The following PCDH15 variants were observed in gnomAD, a reference collection of about 807,000 sequenced individuals.
The protein encoded by PCDH15 is protocadherin related 15.
PCDH15 carries 129 observed loss-of-function variants against 178.5 expected under a neutral mutation model. The ratio of observed to expected loss-of-function variants is 0.72; its 90% CI spans 0.63 to 0.84. PCDH15 has a LOEUF of 0.84. Ranked by LOEUF, PCDH15 falls within the 40% of genes least tolerant of loss-of-function variation. PCDH15 has a pLI of 0.00. For missense variants in PCDH15, 2,230 were observed against 2,099.9 expected (o/e 1.06, Z -1.21); for synonymous variants, 800 against 732.0 (o/e 1.09, Z -1.50).
chr10:55,548,795 T>G (rs1841944332), intron 2 of PCDH15, among the ~76,000 whole-genome samples: 1 of 152,082 alleles, frequency 6.6e-6, no homozygotes, highest in South Asian at 2.1e-4. Flanking sequence ...AGTAGGGAAC[T>G]GTGAAGTCTT....
At chr10:55,310,104 C>G (rs1387300032) in intron 1 of PCDH15, among the ~76,000 whole-genome samples, 1 of 152,064 alleles carries the variant, frequency 6.6e-6, no homozygotes, top group African/African-American at 2.4e-5. Flanking sequence ...GAACTTAAAC[C>G]CATATCAAGC....
intron 2 of PCDH15, among the ~76,000 whole-genome samples, chr10:54,639,297 A>G (rs1239592514): frequency 6.6e-6 from 1 of 152,184 alleles, no homozygotes; most frequent in Non-Finnish European, 1.5e-5. Context: ...TCAGACAAAC[A>G]TGACCTCAGA....
rs1841903728 is a variant in PCDH15, at chr10:55,253,572, T to C, written c.-156+66027A>G. 1.3e-5 allele frequency among the ~76,000 whole-genome samples: 2 copies of C among 152,074 alleles called. 1 individual carries two copies. The highest frequency in any genetic ancestry group is 4.8e-5 in the African/African-American group (2 of 41,436). On this transcript the variant is annotated intron_variant, in intron 1 of 5. Transcript: ENST00000458638. ...TTACTAATACAGAATGGGATAGCAA[T>C]GTGCCATTGTGCATTTTAAGTGAAC...
chr10:54,986,695 C>G (rs1475220935), intron 2 of PCDH15, among the ~76,000 whole-genome samples: 4 of 152,090 alleles, frequency 2.6e-5, no homozygotes, highest in South Asian at 2.1e-4. Flanking sequence ...TATTAAACTT[C>G]CGTGTTGTGT....
intron 2 of PCDH15, among the ~76,000 whole-genome samples, chr10:55,062,100 C>T (rs2132000450): frequency 6.6e-6 from 1 of 152,252 alleles, no homozygotes; most frequent in Non-Finnish European, 1.5e-5. Context: ...CTTTCTTCTC[C>T]AAAATGTCAA....
intron 21 of PCDH15, among the ~76,000 whole-genome samples, chr10:53,972,044 A>C (rs2089744442): frequency 6.6e-6 from 1 of 152,194 alleles, no homozygotes; most frequent in African/African-American, 2.4e-5. Flanking sequence ...CTATACTACA[A>C]GTCTACAGTA....
intron 2 of PCDH15, among the ~76,000 whole-genome samples, chr10:54,904,819 A>T (rs1954692663): frequency 6.6e-6 from 1 of 151,756 alleles, no homozygotes; most frequent in South Asian, 2.1e-4. Context: ...TTGAGGTACC[A>T]CAGCTCACTC....
chr10:53,952,991 G>A (rs1223043289), intron 23 of PCDH15, among the ~76,000 whole-genome samples: 2 of 152,226 alleles, frequency 1.3e-5, no homozygotes, highest in African/African-American at 4.8e-5. Flanking sequence ...GGGGGGCCCA[G>A]GTCCACAGTC....
chr10:54,992,126 T>C (rs1461700149), intron 2 of PCDH15, among the ~76,000 whole-genome samples: 1 of 152,100 alleles, frequency 6.6e-6, no homozygotes, highest in Non-Finnish European at 1.5e-5. Flanking sequence ...CTCTATAATA[T>C]AAACCTCTTG....
chr10:54,765,153 T>G (rs1948355754), intron 1 of PCDH15, among the ~76,000 whole-genome samples: 1 of 152,152 alleles, frequency 6.6e-6, no homozygotes, highest in African/African-American at 2.4e-5. Context: ...TTCAACTCTC[T>G]TAGACAAAAT....
intron 2 of PCDH15, among the ~76,000 whole-genome samples, chr10:55,451,984 C>T (rs1839445618): frequency 6.6e-6 from 1 of 151,990 alleles, no homozygotes; most frequent in African/African-American, 2.4e-5. Flanking sequence ...AATAGTTATA[C>T]CAATTGTGAA....
chr10:55,610,238 A>G (rs1843337848), intron 2 of PCDH15, among the ~76,000 whole-genome samples: 1 of 152,120 alleles, frequency 6.6e-6, no homozygotes, highest in South Asian at 2.1e-4. Flanking sequence ...TAACAAAACC[A>G]TGTTTTCAAA....
chr10:55,303,798 GTTT>G (rs1843350373), intron 1 of PCDH15, among the ~76,000 whole-genome samples: 1 of 152,002 alleles, frequency 6.6e-6, no homozygotes, highest in Non-Finnish European at 1.5e-5. Context: ...GCCTGTCTCT[GTTT>G]TTGTCAGACT....
chr10:54,897,488 A>G (rs1199842950), exon 3 of PCDH15: 4 of 152,222 alleles, frequency 2.6e-5, no homozygotes, highest in Admixed American at 2.6e-4. Flanking sequence ...TCGAAACATG[A>G]CAATGCAAAT....
intron 29 of PCDH15, among the ~76,000 whole-genome samples, chr10:53,836,045 C>T (rs1463816123): frequency 6.6e-6 from 1 of 152,078 alleles, no homozygotes; most frequent in Non-Finnish European, 1.5e-5. Context: ...GAAGTGTGCC[C>T]ATCCCTGGTG....
chr10:54,759,808 A>G (rs1196950307), intron 1 of PCDH15, among the ~76,000 whole-genome samples: 1 of 152,116 alleles, frequency 6.6e-6, no homozygotes, highest in Admixed American at 6.6e-5. Flanking sequence ...TCCTACACTG[A>G]CGTTTGGGGG....
At chr10:54,010,818 C>T (rs1203561928) in intron 20 of PCDH15, among the ~76,000 whole-genome samples, 1 of 152,150 alleles carries the variant, frequency 6.6e-6, no homozygotes, top group Non-Finnish European at 1.5e-5. Context: ...CAGGCAGTGC[C>T]TAAGCTCGGG....
chr10:54,774,685 T>C (rs1238083953), intron 1 of PCDH15, among the ~76,000 whole-genome samples: 1 of 152,172 alleles, frequency 6.6e-6, no homozygotes, highest in Non-Finnish European at 1.5e-5. Context: ...TTAGGGACCA[T>C]TATTTTCATT....
At chr10:55,613,223 T>C (rs964682476) in intron 2 of PCDH15, among the ~76,000 whole-genome samples, 4 of 151,986 alleles carry the variant, frequency 2.6e-5, no homozygotes, top group African/African-American at 9.7e-5. Flanking sequence ...AGCCCCAAAA[T>C]GAAAGTTATT....
Sources: allele counts gnomAD v4.1 joint callset (sites outside exome capture counted in the v4.1 genomes callset), GRCh38; gene constraint gnomAD v4.1.1; transcripts MANE v1.5; gene names NCBI Gene and HGNC (gene_info 2026-07-23, HGNC 2026-07-21).